The following KDM3A variants were observed in gnomAD, a reference collection of about 807,000 sequenced individuals.
The protein encoded by KDM3A is lysine-specific demethylase 3A.
A neutral mutation model predicts 158.0 loss-of-function variants in KDM3A; 60 were observed. The observed-to-expected ratio is 0.38, with a 90% CI of 0.31 to 0.47. The LOEUF is 0.47. Ranked by LOEUF, KDM3A falls within the 20% of genes least tolerant of loss-of-function variation. KDM3A has a pLI of 0.99. For missense variants in KDM3A, 1,319 were observed against 1,574.3 expected (o/e 0.84, Z 2.74); for synonymous variants, 608 against 549.3 (o/e 1.11, Z -1.49).
rs1265058540 is a variant in KDM3A, at chr2:86,490,871, T to C, written c.3574-10T>C. The C allele has an allele frequency of 6.2e-7, 1 of 1,601,520 alleles. No individual in the cohort carries two copies. ...TTACTGAGTTGCATAATATTTTGAA[T>C]GTATTCTAGGTATCAGAAGAGCAAG... is the stretch of plus-strand genomic sequence containing the variant. On this transcript the variant is annotated splice_polypyrimidine_tract_variant and intron_variant, in intron 23 of 25. Transcript: ENST00000312912.
chr2:86,491,592 C>CTT lies in KDM3A; in HGVS notation c.3885+318_3885+319dup, dbSNP rs567223225. ...GCCTGTCGGGGTCTTGAACACAGTGCTTAACCTTCAGTGCTGCAGTGTTCT... is the reference window on the plus strand; with the variant it reads ...GCCTGTCGGGGTCTTGAACACAGTGCTTTTAACCTTCAGTGCTGCAGTGTTCT... On this transcript the variant is annotated intron_variant, in intron 25 of 25. Coordinates refer to ENST00000312912, the MANE Select transcript of KDM3A (RefSeq NM_018433.6). 41 of 382,788 alleles carry CTT rather than the reference C, an allele frequency of 1.1e-4. No homozygotes were observed. In the South Asian group the frequency reaches 1.4e-3, roughly 13 times the overall value. 23.7% of individuals were successfully genotyped at this position (382,788 alleles called of 1,614,324 possible). A position where few individuals can be genotyped will look rare whatever the true frequency, so the allele number is the denominator to read the frequency against.
chr2:86,474,715 G>GTC lies in KDM3A; in HGVS notation c.1725-60_1725-59insCT. ...TTGTAAATAAGTTGTGTGTGTGTGT[G>GTC]TGTGTGTGTGTGTGTGTGTGTGTGT... On this transcript the variant is annotated intron_variant, in intron 11 of 25. Coordinates refer to ENST00000312912, the MANE Select transcript of KDM3A (RefSeq NM_018433.6). The GTC allele has an allele frequency of 4.1e-6, 3 of 724,234 alleles. No homozygotes were observed. In the South Asian group the frequency reaches 4.6e-5, roughly 11 times the overall value. The allele number at this position is 724,234 out of a possible 1,614,324, so 44.9% of individuals were successfully genotyped here.
intron 8 of KDM3A, among the ~76,000 whole-genome samples, chr2:86,461,196 T>G (rs1672913767): frequency 6.6e-6 from 1 of 152,162 alleles, no homozygotes; most frequent in South Asian, 2.1e-4. Flanking sequence ...AATCCAGTAC[T>G]CTTCATCACT....
In KDM3A at chr2:86,474,915, T is replaced by A; in HGVS notation, c.1864T>A (p.Leu622Met). 1 of 1,614,120 alleles carries A rather than the reference T, an allele frequency of 6.2e-7. No individual in the cohort carries two copies. Among genetic ancestry groups the A allele is most frequent in the South Asian group, 1.1e-5 (1 of 91,082 alleles). Reference sequence around the variant, plus strand: ...TGATTTGGACACAGCAAAGTACATCTTGGCCAACATTGGAGACCACTTCTG... The same window carrying A: ...TGATTTGGACACAGCAAAGTACATCATGGCCAACATTGGAGACCACTTCTG... ...GIDLDTAKYI[L>M]ANIGDHFCQM... The change falls in exon 12 of 26, where the codon TTG becomes ATG. Residue 622 changes from leucine to methionine, a missense_variant. Transcript: ENST00000312912.
chr2:86,477,332 A>T (rs1248230845), intron 12 of KDM3A, among the ~76,000 whole-genome samples: 3 of 152,072 alleles, frequency 2.0e-5, no homozygotes, highest in African/African-American at 7.2e-5. Flanking sequence ...TTAATGTGCA[A>T]CTCCCTCCAG....
At chr2:86,457,141 TTTA>T (rs1672740686) in intron 8 of KDM3A, 70 bp downstream of exon 8, 12 of 545,090 alleles carry the variant, frequency 2.2e-5, no homozygotes, top group Non-Finnish European at 2.9e-5. Flanking sequence ...GTTTTTATTT[TTTA>T]TTATTTATTT....
chr2:86,491,459 C>A, intron 25 of KDM3A, 184 bp downstream of exon 25: 1 of 609,942 alleles, frequency 1.6e-6, no homozygotes, highest in Non-Finnish European at 2.9e-6. Context: ...GAGGAAATCT[C>A]ACCTTGGTTT....
At chr2:86,484,394 C>T (rs906268339) in intron 19 of KDM3A, among the ~76,000 whole-genome samples, 1 of 152,174 alleles carries the variant, frequency 6.6e-6, no homozygotes, top group African/African-American at 2.4e-5. Context: ...TAGGGTCAGT[C>T]TCTCTCTCTG....
At chr2:86,485,901 T>A (rs771515891) in intron 21 of KDM3A, 42 bp downstream of exon 21, 2 of 1,586,708 alleles carry the variant, frequency 1.3e-6, no homozygotes, top group Non-Finnish European at 1.7e-6. Flanking sequence ...AATAAAACAA[T>A]TCAAAATGTT....
chr2:86,465,632 C>G (rs1673105366), intron 9 of KDM3A, among the ~76,000 whole-genome samples: 1 of 152,100 alleles, frequency 6.6e-6, no homozygotes, highest in African/African-American at 2.4e-5. Flanking sequence ...TGGTCATGAA[C>G]TCCTGGCCTC....
chr2:86,463,974 T>A, intron 8 of KDM3A, 79 bp from the exon 9 acceptor site: 1 of 1,068,874 alleles, frequency 9.4e-7, no homozygotes, highest in Non-Finnish European at 1.3e-6. Flanking sequence ...ATTAAGCAAA[T>A]GATCTTAAAT....
intron 8 of KDM3A, among the ~76,000 whole-genome samples, chr2:86,462,201 G>GTT (rs370408258): frequency 0.14 from 19,947 of 146,534 alleles, 1,421 homozygotes; most frequent in Middle Eastern, 0.16. Flanking sequence ...TAGATGGAGG[G>GTT]TTTTTTTTTT....
rs772519666 is a variant in KDM3A, at chr2:86,478,729, A to G, written c.2310A>G (p.Leu770=). 8 of 1,613,548 alleles carry G rather than the reference A, an allele frequency of 5.0e-6. No homozygotes were observed. Among genetic ancestry groups the G allele is most frequent in the African/African-American group, 2.7e-5 (2 of 75,046 alleles). The change falls in exon 15 of 26, where the codon CTA becomes CTG. Residue 770 remains leucine, a synonymous_variant. Coordinates refer to ENST00000312912, the MANE Select transcript of KDM3A (RefSeq NM_018433.6). ...LFSKPASKED[L]KQTSLAGEKP... ...CAAAGCCAGCCTCAAAGGAAGACCTAAAACAGGTATTTACTGCTTATGTTA... is the reference window on the plus strand; with the variant it reads ...CAAAGCCAGCCTCAAAGGAAGACCTGAAACAGGTATTTACTGCTTATGTTA...
At chr2:86,456,416 A>ATTTTTT (rs11431031) in intron 5 of KDM3A, 26 bp from the exon 6 acceptor site, 24 of 1,057,834 alleles carry the variant, frequency 2.3e-5, no homozygotes, top group South Asian at 6.3e-5. Flanking sequence ...TTGCTCTAAG[A>ATTTTTT]TTTTTTTTTT....
At chr2:86,441,905 C>G (rs1323978265) in intron 1 of KDM3A, 113 bp from the exon 2 acceptor site, 8 of 780,220 alleles carry the variant, frequency 1.0e-5, no homozygotes, top group Non-Finnish European at 1.4e-5. Context: ...CGGGTCCGCC[C>G]GGGGCCGCGT....
intron 4 of KDM3A, among the ~76,000 whole-genome samples, chr2:86,453,147 G>GT (rs1672538165): frequency 6.7e-6 from 1 of 148,574 alleles, no homozygotes; most frequent in Admixed American, 6.7e-5. Flanking sequence ...ATCTAAATTA[G>GT]TAAGTTTATA....
At chr2:86,459,434 G>A (rs925762162) in intron 8 of KDM3A, among the ~76,000 whole-genome samples, 1 of 152,154 alleles carries the variant, frequency 6.6e-6, no homozygotes, top group African/African-American at 2.4e-5. Context: ...GTTGTGTGTT[G>A]CCTGTCATGG....
upstream of KDM3A, among the ~76,000 whole-genome samples, chr2:86,439,331 TA>T (rs1250887117): frequency 6.6e-6 from 1 of 151,976 alleles, no homozygotes; most frequent in Non-Finnish European, 1.5e-5. Flanking sequence ...ATCAATTACC[TA>T]AAAAAAATGC....
chr2:86,456,778 G>C (rs56347930), intron 6 of KDM3A, 27 bp from the exon 7 acceptor site: 219,791 of 1,561,682 alleles, frequency 0.14, 17,025 homozygotes, highest in Middle Eastern at 0.17. Flanking sequence ...TTTATTTTCC[G>C]GTATCTTTGT....
Sources: allele counts gnomAD v4.1 joint callset (sites outside exome capture counted in the v4.1 genomes callset), GRCh38; gene constraint gnomAD v4.1.1; transcripts MANE v1.5; gene names NCBI Gene and HGNC (gene_info 2026-07-23, HGNC 2026-07-21).